Variants in THEMIS observed in about 807,000 individuals in gnomAD.
THEMIS encodes protein THEMIS.
THEMIS carries 37 observed loss-of-function variants against 52.6 expected under a neutral mutation model. That is an observed-to-expected ratio of 0.70 (90% confidence interval 0.54 to 0.93). THEMIS has a LOEUF of 0.93. Ranked by LOEUF, THEMIS falls within the 40% of genes least tolerant of loss-of-function variation. The pLI, the probability that THEMIS is intolerant of heterozygous loss-of-function variation, is 0.00. For missense variants in THEMIS, 808 were observed against 763.1 expected, an observed-to-expected ratio of 1.06 and a Z score of -0.69; for synonymous variants, 292 against 272.7, an observed-to-expected ratio of 1.07 and a Z score of -0.70.
chr6:127,895,581 C>G (rs2114486538), intron 1 of THEMIS, among the ~76,000 whole-genome samples: 1 of 151,330 alleles, frequency 6.6e-6, no homozygotes, highest in East Asian at 1.9e-4. Context: ...TAGGAACTAG[C>G]CTAGGATACA....
intron 4 of THEMIS, among the ~76,000 whole-genome samples, chr6:127,785,875 T>C (rs940164720): frequency 6.6e-6 from 1 of 152,104 alleles, no homozygotes; most frequent in African/African-American, 2.4e-5. Context: ...GAATTAGCCA[T>C]TGTAATTACA....
At position 127,813,356 on chromosome 6, in the gene THEMIS, A is replaced by G. The variant is rs1157399680; in HGVS notation, c.1285T>C (p.Tyr429His). 4 of 1,614,002 alleles carry G rather than the reference A, an allele frequency of 2.5e-6. No homozygotes were observed. The African/African-American group carries it at 5.3e-5, about 22-fold the overall frequency. Residue 429 changes from tyrosine (Y) to histidine (H), a missense_variant, in exon 4 of 6, where the codon TAC becomes CAC. By Grantham distance (83) the Tyr-to-His change is moderately conservative. Coordinates refer to ENST00000368248, the MANE Select transcript of THEMIS (RefSeq NM_001010923.3). ...ACCTCTACAAAACCTCCTTCCATGT[A>G]CAAAGGGAGCAGCGCAGCCTCATAG... ...KSYEAALLPL[Y>H]MEGGFVEVIH... is the part of the protein sequence containing the mutation.
At chr6:127,855,816 C>G (rs1364640203) in intron 1 of THEMIS, among the ~76,000 whole-genome samples, 2 of 151,898 alleles carry the variant, frequency 1.3e-5, no homozygotes, top group Admixed American at 1.3e-4. Flanking sequence ...CAATCGTCTT[C>G]TTGACAAACC....
chr6:127,716,281 C>T (rs1774156000), intron 5 of THEMIS, among the ~76,000 whole-genome samples: 1 of 151,754 alleles, frequency 6.6e-6, no homozygotes, highest in African/African-American at 2.4e-5. Context: ...GGAAAATGGC[C>T]CCCTGTTTAG....
At chr6:127,876,605 G>A (rs947502664) in intron 1 of THEMIS, among the ~76,000 whole-genome samples, 3 of 152,160 alleles carry the variant, frequency 2.0e-5, no homozygotes, top group Non-Finnish European at 2.9e-5. Flanking sequence ...AAGTTCCTTA[G>A]TAAATTGCAA....
intron 1 of THEMIS, among the ~76,000 whole-genome samples, chr6:127,861,783 CAAAA>C (rs1225783673): frequency 1.0e-5 from 1 of 95,698 alleles, no homozygotes; most frequent in Non-Finnish European, 2.0e-5. Context: ...GACTCCATCT[CAAAA>C]AAAAAAAAAA....
At chr6:127,777,563 A>G (rs1469546066) in intron 4 of THEMIS, among the ~76,000 whole-genome samples, 4 of 152,156 alleles carry the variant, frequency 2.6e-5, no homozygotes, top group African/African-American at 9.7e-5. Context: ...ATTGTTAATT[A>G]AAAAGACAAT....
In THEMIS at chr6:127,742,181, G is replaced by A. The variant is rs539559870; in HGVS notation, c.1759-22358C>T. On this transcript the variant is annotated intron_variant, in intron 4 of 5. Transcript: ENST00000368248. ...TGCAAAAAGATTAGCTGGGCATGGT[G>A]GTGTGTGCCTGTAGTCCCAGCTACT... 2.6e-5 allele frequency among the ~76,000 whole-genome samples: 4 copies of A among 151,912 alleles called. No homozygotes were observed. In the South Asian group the frequency reaches 8.3e-4, roughly 32 times the overall value.
chr6:127,856,219 T>C (rs1779613790), intron 1 of THEMIS, among the ~76,000 whole-genome samples: 1 of 152,006 alleles, frequency 6.6e-6, no homozygotes, highest in African/African-American at 2.4e-5. Context: ...CATAGAATTG[T>C]TCCTGATATG....
At chr6:127,741,486 A>G (rs993053927) in intron 4 of THEMIS, among the ~76,000 whole-genome samples, 4 of 152,166 alleles carry the variant, frequency 2.6e-5, no homozygotes, top group Non-Finnish European at 5.9e-5. Context: ...GCAAAAATAA[A>G]CCAAAGGAGG....
chr6:127,824,683 G>C (rs1451859118), intron 3 of THEMIS, among the ~76,000 whole-genome samples: 1 of 152,136 alleles, frequency 6.6e-6, no homozygotes, highest in African/African-American at 2.4e-5. Flanking sequence ...ATTTTTGAGA[G>C]AGACGGGGTT....
intron 1 of THEMIS, among the ~76,000 whole-genome samples, chr6:127,916,152 A>C (rs919996551): frequency 1.3e-5 from 2 of 151,830 alleles, no homozygotes; most frequent in African/African-American, 4.8e-5. Flanking sequence ...AGACCTAGAG[A>C]AGGAGTTAGA....
intron 4 of THEMIS, among the ~76,000 whole-genome samples, chr6:127,760,665 A>G (rs1775991091): frequency 1.3e-5 from 2 of 152,040 alleles, no homozygotes; most frequent in Non-Finnish European, 2.9e-5. Context: ...ATCTCTAGGT[A>G]CTAGAGTGGC....
chr6:127,856,075 T>TTA (rs1402871003), intron 1 of THEMIS, among the ~76,000 whole-genome samples: 1 of 152,008 alleles, frequency 6.6e-6, no homozygotes, highest in Non-Finnish European at 1.5e-5. Flanking sequence ...CTGTGAGCTT[T>TTA]TATATATATC....
intron 5 of THEMIS, among the ~76,000 whole-genome samples, 162 bp from the exon 6 acceptor site, chr6:127,710,178 A>C (rs1583185561): frequency 6.6e-6 from 1 of 151,578 alleles, no homozygotes; most frequent in Non-Finnish European, 1.5e-5. Context: ...AAAAAAAAAA[A>C]GAAACAGAAG....
At chr6:127,855,327 G>C (rs1013135488) in intron 1 of THEMIS, 139 bp from the exon 2 acceptor site, 8 of 689,866 alleles carry the variant, frequency 1.2e-5, no homozygotes, top group Non-Finnish European at 1.6e-5. Context: ...ATCAAGCTTG[G>C]CAAAATGTAC....
chr6:127,731,864 A>ATTTTTTTTTT (rs58263706), intron 4 of THEMIS, among the ~76,000 whole-genome samples: 496 of 41,686 alleles, frequency 0.012, 123 homozygotes, highest in Admixed American at 0.084. Flanking sequence ...TGCCCGGCTA[A>ATTTTTTTTTT]TTTTTTTTTT....
intron 4 of THEMIS, among the ~76,000 whole-genome samples, chr6:127,753,547 AT>A (rs1775719721): frequency 6.6e-6 from 1 of 152,198 alleles, no homozygotes; most frequent in South Asian, 2.1e-4. Context: ...ACATTAATGT[AT>A]TAGAAGAAAT....
At chr6:127,791,542 C>A (rs554251886) in intron 4 of THEMIS, among the ~76,000 whole-genome samples, 107 of 152,284 alleles carry the variant, frequency 7.0e-4, no homozygotes, top group African/African-American at 2.5e-3. Flanking sequence ...ATTAAGTTCT[C>A]ACTCCATGGC....
Sources: gnomAD v4.1 joint callset for allele counts (sites outside exome capture counted in the v4.1 genomes callset) on GRCh38, gnomAD v4.1.1 for gene constraint, MANE v1.5 for transcripts, NCBI Gene and HGNC (gene_info 2026-07-23, HGNC 2026-07-21) for gene names.